TANGO6: variants seen among roughly 807,000 people sequenced by gnomAD.
TANGO6 encodes the protein transport and golgi organization 6 homolog.
TANGO6 carries 90 observed loss-of-function variants against 114.2 expected under a neutral mutation model. That is an observed-to-expected ratio of 0.79 (90% CI 0.66 to 0.94). The LOEUF is 0.94. Among genes scored for constraint, TANGO6 ranks in the 40% least tolerant of loss-of-function variants. The pLI is 0.00. For synonymous variants in TANGO6, 477 were observed against 509.8 expected, an observed-to-expected ratio of 0.94 and a Z score of 0.87; for missense variants, 1,274 against 1,315.3, an observed-to-expected ratio of 0.97 and a Z score of 0.49.
At chr16:68,983,755 C>T (rs150407632) in intron 15 of TANGO6, among the ~76,000 whole-genome samples, 8 of 152,144 alleles carry the variant, frequency 5.3e-5, no homozygotes, top group East Asian at 1.9e-4. Flanking sequence ...TTTGTAGGGC[C>T]GGGCGCGGTG....
intron 12 of TANGO6, among the ~76,000 whole-genome samples, chr16:68,925,801 C>G (rs1963158879): frequency 6.6e-6 from 1 of 151,142 alleles, no homozygotes; most frequent in Non-Finnish European, 1.5e-5. Context: ...GGTGCAAGGT[C>G]TGTGTCTAGA....
At chr16:68,940,011 T>TA (rs898047016) in intron 14 of TANGO6, among the ~76,000 whole-genome samples, 25 of 151,952 alleles carry the variant, frequency 1.6e-4, no homozygotes, top group African/African-American at 4.4e-4. Context: ...AGGATTTTTT[T>TA]AAAAATATAA....
At chr16:68,903,585 T>A (rs1223881595) in intron 9 of TANGO6, among the ~76,000 whole-genome samples, 1 of 123,120 alleles carries the variant, frequency 8.1e-6, no homozygotes, top group African/African-American at 3.2e-5. Context: ...ACCACTGCAC[T>A]CCAGCCTGGG....
intron 7 of TANGO6, among the ~76,000 whole-genome samples, chr16:68,892,878 G>C (rs368268430): frequency 1.3e-5 from 2 of 152,012 alleles, no homozygotes; most frequent in African/African-American, 4.8e-5. Flanking sequence ...ATCACACCAC[G>C]CAATTGAAAA....
chr16:68,922,130 G>A (rs1248408236), intron 12 of TANGO6, among the ~76,000 whole-genome samples: 1 of 150,924 alleles, frequency 6.6e-6, no homozygotes, highest in Non-Finnish European at 1.5e-5. Flanking sequence ...AACCTTTTTT[G>A]TTTCTAATTT....
At position 69,083,573 on chromosome 16, in the gene TANGO6, AG is replaced by A; in HGVS notation, c.3198del (p.Gln1066HisfsTer4). 1 of 1,606,816 alleles carries A rather than the reference AG, an allele frequency of 6.2e-7. No homozygotes were observed. Among genetic ancestry groups the A allele is most frequent in the Non-Finnish European group, 8.5e-7 (1 of 1,176,698 alleles). ...EPDDVAKLHA[Q>X]LALEELDDIM... ...GATGACGTGGCCAAGCTCCATGCCC[AG>A]TTGGCCCTAGAAGAGCTGGATGACA... On this transcript the variant is annotated frameshift_variant, in exon 18 of 18. Transcript: ENST00000261778. LOFTEE classifies it high-confidence loss of function.
At chr16:69,075,045 T>C (rs1005714744) in intron 17 of TANGO6, among the ~76,000 whole-genome samples, 1 of 152,038 alleles carries the variant, frequency 6.6e-6, no homozygotes, top group South Asian at 2.1e-4. Flanking sequence ...TTTCGCCATG[T>C]TGCTCAGGCT....
At chr16:69,001,862 G>T (rs1964047455) in intron 15 of TANGO6, among the ~76,000 whole-genome samples, 1 of 152,156 alleles carries the variant, frequency 6.6e-6, no homozygotes, top group Admixed American at 6.6e-5. Flanking sequence ...TGAGAAGAAA[G>T]AAGTATTGGC....
At chr16:68,922,803 T>C (rs984292998) in intron 12 of TANGO6, among the ~76,000 whole-genome samples, 10 of 152,068 alleles carry the variant, frequency 6.6e-5, no homozygotes, top group African/African-American at 2.4e-4. Flanking sequence ...GAGCTTCTGG[T>C]TAAAAGCTGG....
intron 7 of TANGO6, among the ~76,000 whole-genome samples, chr16:68,897,975 G>C (rs747415028): frequency 2.6e-5 from 4 of 152,148 alleles, no homozygotes; most frequent in Non-Finnish European, 4.4e-5. Flanking sequence ...TATCAAGCCA[G>C]TAAATAATGA....
At chr16:69,062,956 A>G (rs894425778) in intron 17 of TANGO6, among the ~76,000 whole-genome samples, 1 of 151,240 alleles carries the variant, frequency 6.6e-6, no homozygotes, top group African/African-American at 2.4e-5. Context: ...GGCTGGGCGC[A>G]GTGGCTCATG....
intron 8 of TANGO6, among the ~76,000 whole-genome samples, chr16:68,902,007 T>A (rs1962791456): frequency 6.7e-6 from 1 of 149,106 alleles, no homozygotes. Context: ...ATACTTTCTT[T>A]GACAGTGCCT....
At chr16:68,877,487 A>G (rs1962383798) in intron 5 of TANGO6, among the ~76,000 whole-genome samples, 1 of 151,824 alleles carries the variant, frequency 6.6e-6, no homozygotes, top group African/African-American at 2.4e-5. Context: ...AAAAAAAGGA[A>G]AAAGAAAAAT....
intron 15 of TANGO6, among the ~76,000 whole-genome samples, chr16:69,010,069 C>A (rs1964131216): frequency 6.6e-6 from 1 of 152,126 alleles, no homozygotes; most frequent in Admixed American, 6.6e-5. Context: ...AGTTTTCAAT[C>A]ATTCTGTGTA....
chr16:69,076,478 G>T (rs1960381376), intron 17 of TANGO6, among the ~76,000 whole-genome samples: 1 of 152,130 alleles, frequency 6.6e-6, no homozygotes, highest in African/African-American at 2.4e-5. Flanking sequence ...AGAATAATGG[G>T]TTGCCCTGCT....
At chr16:69,045,156 CAA>C (rs34165608) in intron 17 of TANGO6, among the ~76,000 whole-genome samples, 37 of 88,376 alleles carry the variant, frequency 4.2e-4, no homozygotes, top group African/African-American at 4.9e-4. Flanking sequence ...ACTCTTGTCT[CAA>C]AAAAAAAAAA....
chr16:68,882,368 G>C (rs953323043), intron 7 of TANGO6, among the ~76,000 whole-genome samples: 2 of 151,918 alleles, frequency 1.3e-5, no homozygotes, highest in South Asian at 2.1e-4. Flanking sequence ...GTGGTGGCAG[G>C]CACCTGTAGT....
At chr16:68,862,021 T>A (rs978082123) in intron 2 of TANGO6, among the ~76,000 whole-genome samples, 2 of 150,822 alleles carry the variant, frequency 1.3e-5, no homozygotes, top group African/African-American at 2.5e-5. Context: ...TATTTTTTTT[T>A]AATTTTTTTT....
chr16:69,083,407 A>G (rs893422916), intron 17 of TANGO6, 78 bp from the exon 18 acceptor site: 3 of 1,452,382 alleles, frequency 2.1e-6, no homozygotes, highest in Non-Finnish European at 2.8e-6. Context: ...CTCCTCAGGC[A>G]GGAGGAGAGG....
Sources: allele counts gnomAD v4.1 joint callset (sites outside exome capture counted in the v4.1 genomes callset), GRCh38; gene constraint gnomAD v4.1.1; transcripts MANE v1.5; gene names NCBI Gene and HGNC (gene_info 2026-07-23, HGNC 2026-07-21).